The following LAMA3 variants were observed in gnomAD, a reference collection of about 807,000 sequenced individuals.
LAMA3 encodes the protein laminin subunit alpha-3.
A neutral mutation model predicts 402.0 loss-of-function variants in LAMA3; 281 were observed. The observed-to-expected ratio is 0.70, with a 90% CI of 0.63 to 0.77. The LOEUF is 0.77. Ranked by LOEUF, LAMA3 falls within the 30% of genes least tolerant of loss-of-function variation. The pLI, the probability that LAMA3 is intolerant of heterozygous loss-of-function variation, is 0.00. For synonymous variants in LAMA3, 1,431 were observed against 1,558.4 expected, an observed-to-expected ratio of 0.92 and a Z score of 1.93; for missense variants, 3,840 against 4,215.5, an observed-to-expected ratio of 0.91 and a Z score of 2.47.
intron 2 of LAMA3, among the ~76,000 whole-genome samples, chr18:23,714,892 A>G (rs2061067540): frequency 6.6e-6 from 1 of 152,140 alleles, no homozygotes; most frequent in Admixed American, 6.5e-5. Context: ...TGACAACTCT[A>G]GGAAGCTCAT....
intron 42 of LAMA3, among the ~76,000 whole-genome samples, chr18:23,893,310 T>G (rs1014335370): frequency 6.6e-6 from 1 of 152,092 alleles, no homozygotes; most frequent in Non-Finnish European, 1.5e-5. Context: ...AAACAGTACA[T>G]GTGGAAGGGG....
At chr18:23,706,711 GTTGATT>G (rs1463549234) in intron 1 of LAMA3, among the ~76,000 whole-genome samples, 1 of 152,110 alleles carries the variant, frequency 6.6e-6, no homozygotes, top group Non-Finnish European at 1.5e-5. Context: ...AGAGTTCTTC[GTTGATT>G]TTAAGTTCTT....
Position 23,898,994 on chromosome 18 carries a change from A to G in LAMA3, c.5765A>G (p.Asn1922Ser), listed in dbSNP as rs117202132. 10 of 1,614,096 alleles carry G rather than the reference A, an allele frequency of 6.2e-6. No homozygotes were observed. In the East Asian group the frequency reaches 8.9e-5, roughly 14 times the overall value. The stretch of plus-strand genomic sequence containing the variant: ...AGAAAAGCACAAACATTAAACAACA[A>G]TGTTAATCGGGCAACACAAAGCGCA... ...NSRKAQTLNN[N>S]VNRATQSAKE... The change falls in exon 46 of 75, where the codon AAT (asparagine) becomes AGT (serine). Residue 1922 changes from asparagine (N) to serine (S), a missense_variant. Asn to Ser is a conservative substitution (Grantham distance 46). Transcript: ENST00000313654.
chr18:23,937,879 G>T (rs973629887), intron 67 of LAMA3, among the ~76,000 whole-genome samples: 3 of 152,186 alleles, frequency 2.0e-5, no homozygotes, highest in African/African-American at 7.2e-5. Flanking sequence ...TCCAGGAAAT[G>T]GGTCAGGGAA....
chr18:23,916,190 A>G (rs144459593), intron 59 of LAMA3, among the ~76,000 whole-genome samples: 3 of 152,240 alleles, frequency 2.0e-5, no homozygotes, highest in African/African-American at 7.2e-5. Flanking sequence ...GTATATTCTA[A>G]TATGAGGTGG....
At chr18:23,698,379 C>G (rs552749938) in intron 1 of LAMA3, among the ~76,000 whole-genome samples, 359 of 151,992 alleles carry the variant, frequency 2.4e-3, no homozygotes, top group Non-Finnish European at 4.4e-3. Flanking sequence ...GCTAATTTTT[C>G]TATTTTTAGT....
At position 23,763,394 on chromosome 18, in the gene LAMA3, T is replaced by C. The variant is rs1286817481; in HGVS notation, c.1064-11T>C. ...TAATGAGAATATTGACTTATTATGCTTTTTTTTCAGCATGCAACTGCCACG... is the reference window on the plus strand; with the variant it reads ...TAATGAGAATATTGACTTATTATGCCTTTTTTTCAGCATGCAACTGCCACG... On this transcript the variant is annotated splice_polypyrimidine_tract_variant and intron_variant, in intron 7 of 74. Coordinates refer to ENST00000313654, the MANE Select transcript of LAMA3 (RefSeq NM_198129.4). The C allele has an allele frequency of 3.2e-6, 5 of 1,539,284 alleles. No individual in the cohort carries two copies. The East Asian group carries it at 9.0e-5, about 28-fold the overall frequency.
At chr18:23,868,007 T>C in intron 37 of LAMA3, 90 bp downstream of exon 37, 1 of 995,908 alleles carries the variant, frequency 1.0e-6, no homozygotes. Flanking sequence ...TTAAGAATTG[T>C]AAAATATGGA....
chr18:23,917,563 T>G (rs2081678621), intron 60 of LAMA3, among the ~76,000 whole-genome samples: 1 of 152,242 alleles, frequency 6.6e-6, no homozygotes, highest in Non-Finnish European at 1.5e-5. Context: ...ATTCCCTTTT[T>G]GACCAGTATG....
At chr18:23,864,637 T>A (rs2064307262) in intron 35 of LAMA3, 148 bp from the exon 36 acceptor site, 1 of 678,612 alleles carries the variant, frequency 1.5e-6, no homozygotes. Flanking sequence ...AATACCATCC[T>A]CAACCCCACC....
chr18:23,854,133 C>T (rs1183348329), intron 32 of LAMA3, among the ~76,000 whole-genome samples: 2 of 152,222 alleles, frequency 1.3e-5, no homozygotes, highest in East Asian at 1.9e-4. Flanking sequence ...AGCTGCTACC[C>T]ATGTGCTGTG....
chr18:23,866,370 TC>T (rs2064358805), intron 36 of LAMA3, among the ~76,000 whole-genome samples: 1 of 152,204 alleles, frequency 6.6e-6, no homozygotes, highest in Non-Finnish European at 1.5e-5. Flanking sequence ...GACCAGCAAG[TC>T]ACACACACCT....
intron 60 of LAMA3, among the ~76,000 whole-genome samples, chr18:23,919,260 G>T (rs1434522916): frequency 6.6e-6 from 1 of 152,158 alleles, no homozygotes; most frequent in East Asian, 1.9e-4. Context: ...AAAGAACTCG[G>T]TCCCTGGACC....
intron 55 of LAMA3, among the ~76,000 whole-genome samples, chr18:23,910,586 A>G (rs2081394676): frequency 6.6e-6 from 1 of 152,202 alleles, no homozygotes; most frequent in Admixed American, 6.5e-5. Flanking sequence ...GAGGTGTGTT[A>G]TGTGTATCTT....
At chr18:23,899,656 A>G in intron 47 of LAMA3, 2 of 546,424 alleles carry the variant, frequency 3.7e-6, no homozygotes, top group South Asian at 2.3e-5. Flanking sequence ...ATAACAGCTT[A>G]CCATCATGCA....
intron 2 of LAMA3, among the ~76,000 whole-genome samples, chr18:23,744,868 C>T (rs1011288622): frequency 3.7e-4 from 55 of 147,070 alleles, no homozygotes; most frequent in Non-Finnish European, 6.5e-4. Context: ...TCAAACGTTA[C>T]CTAGAAACAA....
chr18:23,713,893 A>C, intron 1 of LAMA3, 27 bp from the exon 2 acceptor site: 4 of 1,598,572 alleles, frequency 2.5e-6, no homozygotes, highest in South Asian at 1.1e-5. Flanking sequence ...AACAAAAAAC[A>C]AAAAAAACCC....
intron 70 of LAMA3, among the ~76,000 whole-genome samples, chr18:23,948,882 T>G (rs1176076955): frequency 6.6e-6 from 1 of 152,234 alleles, no homozygotes; most frequent in Non-Finnish European, 1.5e-5. Flanking sequence ...CATTTTCTTT[T>G]AAAGTTACCA....
chr18:23,859,850 G>A (rs2064172700), intron 34 of LAMA3, among the ~76,000 whole-genome samples: 1 of 152,140 alleles, frequency 6.6e-6, no homozygotes, highest in Admixed American at 6.5e-5. Context: ...GAGGTTGGGG[G>A]TAGGGCTGAA....
Sources: gnomAD v4.1 joint callset for allele counts (sites outside exome capture counted in the v4.1 genomes callset) on GRCh38, gnomAD v4.1.1 for gene constraint, MANE v1.5 for transcripts, NCBI Gene and HGNC (gene_info 2026-07-23, HGNC 2026-07-21) for gene names.